The following PCDHB15 variants were observed in gnomAD, a reference collection of about 807,000 sequenced individuals.
PCDHB15 encodes protocadherin beta 15, also known as protocadherin beta-15.
For synonymous variants in PCDHB15, 492 were observed against 447.9 expected (o/e 1.10, Z -1.24); for missense variants, 1,032 against 991.7 (o/e 1.04, Z -0.55).
chr5:141,245,848 G>T lies in PCDHB15; in HGVS notation c.270G>T (p.Leu90=). The change falls in exon 1 of 1, where the codon CTG becomes CTT. Residue 90 remains leucine, a synonymous_variant. Transcript: ENST00000231173. ...GGCAGTTGATATTAAATGAGAAGCT[G>T]GACCGGGAGAAGCTGTGTGGCCCTA... The part of the protein sequence containing the change: ...QTGQLILNEK[L]DREKLCGPTE... 1.9e-6 allele frequency: 3 copies of T among 1,614,158 alleles called. No individual in the cohort carries two copies. The highest frequency in any genetic ancestry group is 2.5e-6 in the Non-Finnish European group (3 of 1,180,038).
chr5:141,247,492 C>G lies in PCDHB15; in HGVS notation c.1914C>G (p.His638Gln), dbSNP rs782651708. The G allele has an allele frequency of 3.1e-6, 5 of 1,609,026 alleles. No homozygotes were observed. Among genetic ancestry groups the G allele is most frequent in the East Asian group, 2.2e-5 (1 of 44,876 alleles). The change falls in exon 1 of 1, where the codon CAC (histidine) becomes CAG (glutamine). Residue 638 changes from histidine to glutamine, a missense_variant. Physicochemically the swap from His to Gln is conservative, Grantham distance 24. Coordinates refer to ENST00000231173, the MANE Select transcript of PCDHB15 (RefSeq NM_018935.4). Reference sequence around the variant, plus strand: ...TGAGCGAGCGCGACGTGGCCAAGCACAGGCTAGTGGTGCTGGTCAAGGACA... The same window carrying G: ...TGAGCGAGCGCGACGTGGCCAAGCAGAGGCTAGTGGTGCTGGTCAAGGACA... ...RLLSERDVAK[H>Q]RLVVLVKDNG...
rs1414841912 is a variant in PCDHB15, at chr5:141,249,349, A to T, written c.*1407A>T. 1 of 152,238 alleles carries T rather than the reference A, an allele frequency of 6.6e-6. No homozygotes were observed. Among genetic ancestry groups the T allele is most frequent in the Non-Finnish European group, 1.5e-5 (1 of 68,048 alleles). 9.4% of individuals were successfully genotyped at this position (152,238 alleles called of 1,614,324 possible). ...ACTGAGTAAGTCACTTCCTTGCAATAAATTGATTACTACACATCTGCTGCC... is the reference window on the plus strand; with the variant it reads ...ACTGAGTAAGTCACTTCCTTGCAATTAATTGATTACTACACATCTGCTGCC... On this transcript the variant is annotated 3_prime_UTR_variant, in exon 1 of 1. Coordinates refer to ENST00000231173, the MANE Select transcript of PCDHB15 (RefSeq NM_018935.4).
At position 141,247,645 on chromosome 5, in the gene PCDHB15, C is replaced by T; in HGVS notation, c.2067C>T (p.Tyr689=). The change falls in exon 1 of 1, where the codon TAC becomes TAT. Residue 689 remains tyrosine, a synonymous_variant. Coordinates refer to ENST00000231173, the MANE Select transcript of PCDHB15 (RefSeq NM_018935.4). ...AQAQADSLTV[Y]LVVALASVSS... ...CCCAGGCCGACTCGCTTACCGTCTACCTGGTGGTGGCATTGGCCTCGGTGT... is the reference window on the plus strand; with the variant it reads ...CCCAGGCCGACTCGCTTACCGTCTATCTGGTGGTGGCATTGGCCTCGGTGT... 6.2e-7 allele frequency: 1 copy of T among 1,610,498 alleles called. No individual in the cohort carries two copies. The highest frequency in any genetic ancestry group is 8.5e-7 in the Non-Finnish European group (1 of 1,179,850).
rs782276526 is a variant in PCDHB15 at position 141,246,727 on chromosome 5, C to A, written c.1149C>A (p.Cys383Ter). The A allele has an allele frequency of 6.8e-6, 11 of 1,614,094 alleles. No homozygotes were observed. The Admixed American group carries it at 1.8e-4, about 27-fold the overall frequency. The change falls in exon 1 of 1, where the codon TGC becomes TGA. Residue 383 changes from cysteine to a stop codon, truncating the protein, a stop_gained. Coordinates refer to ENST00000231173, the MANE Select transcript of PCDHB15 (RefSeq NM_018935.4). LOFTEE classifies it low-confidence loss of function (END_TRUNC). ...RDSGENGKMI[C>*]SIQDDVPFKL... ...CTGGGGAAAATGGAAAAATGATTTG[C>A]TCAATTCAGGATGATGTTCCTTTTA...
Position 141,246,157 on chromosome 5 carries a change from G to C in PCDHB15, c.579G>C (p.Glu193Asp). The C allele has an allele frequency of 6.2e-7, 1 of 1,614,238 alleles. No individual in the cohort carries two copies. Among genetic ancestry groups the C allele is most frequent in the South Asian group, 1.1e-5 (1 of 91,090 alleles). Residue 193 changes from glutamate to aspartate, a missense_variant, in exon 1 of 1, where the codon GAG becomes GAC. Glu to Asp is a conservative substitution (Grantham distance 45). Transcript: ENST00000231173. ...RTRGDGRKYPELVLDTELDRE... is the reference protein window; with the variant it reads ...RTRGDGRKYPDLVLDTELDRE... ...GAGGGGATGGCAGGAAATACCCAGA[G>C]CTGGTGCTGGACACAGAACTGGATC...
rs201928276 is a variant in PCDHB15, at chr5:141,246,893, G to T, written c.1315G>T (p.Val439Leu). Residue 439 changes from valine to leucine, a missense_variant, in exon 1 of 1, where the codon GTG becomes TTG. Physicochemically the swap from Val to Leu is conservative, Grantham distance 32. Coordinates refer to ENST00000231173, the MANE Select transcript of PCDHB15 (RefSeq NM_018935.4). ...GCTGAAAACCGAGCAGAGCATAACC[G>T]TGCTGGTGTCGGACGTCAATGACAA... ...PRLKTEQSIT[V>L]LVSDVNDNAP... is the part of the protein sequence containing the mutation. 1.4e-5 allele frequency: 22 copies of T among 1,613,954 alleles called. No individual in the cohort carries two copies. The African/African-American group carries it at 2.0e-4, about 15-fold the overall frequency.
In PCDHB15 at chr5:141,247,700, T is replaced by C. The variant is rs782031817; in HGVS notation, c.2122T>C (p.Phe708Leu). ...SSLFLFSVFL[F>L]VAVRLCRRSR... Reference sequence around the variant, plus strand: ...GCTCTTCCTCTTCTCGGTGTTCCTGTTCGTGGCAGTGCGGCTGTGCAGGAG... The same window carrying C: ...GCTCTTCCTCTTCTCGGTGTTCCTGCTCGTGGCAGTGCGGCTGTGCAGGAG... Residue 708 changes from phenylalanine to leucine, a missense_variant, in exon 1 of 1, where the codon TTC becomes CTC. Physicochemically the swap from Phe to Leu is conservative, Grantham distance 22. Coordinates refer to ENST00000231173, the MANE Select transcript of PCDHB15 (RefSeq NM_018935.4). The C allele has an allele frequency of 6.2e-7, 1 of 1,612,320 alleles. No homozygotes were observed. The highest frequency in any genetic ancestry group is 1.1e-5 in the South Asian group (1 of 91,058).
chr5:141,246,920 G>C lies in PCDHB15; in HGVS notation c.1342G>C (p.Ala448Pro), dbSNP rs199965909. The C allele has an allele frequency of 2.5e-6, 4 of 1,613,448 alleles. No individual in the cohort carries two copies. The highest frequency in any genetic ancestry group is 1.3e-5 in the African/African-American group (1 of 74,948). ...GCTGGTGTCGGACGTCAATGACAAC[G>C]CCCCCGCCTTCACCCAAACCTCCTA... ...TVLVSDVNDN[A>P]PAFTQTSYTL... Residue 448 changes from alanine to proline, a missense_variant, in exon 1 of 1, where the codon GCC (alanine) becomes CCC (proline). Transcript: ENST00000231173.
In PCDHB15 at chr5:141,246,978, C is replaced by T; in HGVS notation, c.1400C>T (p.Ala467Val). Residue 467 changes from alanine (A) to valine (V), a missense_variant, in exon 1 of 1, where the codon GCC (alanine) becomes GTC (valine). Ala to Val is a moderately conservative substitution (Grantham distance 64). Transcript: ENST00000231173. ...TTCGTCCGCGAGAACAACAGCCCCG[C>T]CCTGCACATCGGCAGTGTCAGCGCC... is the stretch of plus-strand genomic sequence containing the variant. ...TLFVRENNSPALHIGSVSATD... is the reference protein window; with the variant it reads ...TLFVRENNSPVLHIGSVSATD... 1.2e-6 allele frequency: 2 copies of T among 1,613,364 alleles called. No individual in the cohort carries two copies. Among genetic ancestry groups the T allele is most frequent in the Non-Finnish European group, 8.5e-7 (1 of 1,180,040 alleles).
rs1472326841 is a variant in PCDHB15 at position 141,247,092 on chromosome 5, C to T, written c.1514C>T (p.Ser505Phe). ...DPHLPLTSLV[S>F]INTDNGHLFA... ...CACCTGCCCCTCACCTCCCTGGTCT[C>T]CATTAACACGGACAACGGCCACCTG... The change falls in exon 1 of 1, where the codon TCC (serine) becomes TTC (phenylalanine). Residue 505 changes from serine (S) to phenylalanine (F), a missense_variant. By Grantham distance (155) the Ser-to-Phe change is radical. Transcript: ENST00000231173. 7 of 1,613,952 alleles carry T rather than the reference C, an allele frequency of 4.3e-6. No individual in the cohort carries two copies. The African/African-American group carries it at 9.3e-5, about 22-fold the overall frequency.
Position 141,247,043 on chromosome 5 carries a change from T to G in PCDHB15, c.1465T>G (p.Ser489Ala). ...GGGCACCAACGCCCAGGTCACCTAC[T>G]CGCTGCTGCCGCCCCGGGACCCGCA... ...DSGTNAQVTYSLLPPRDPHLP... is the reference protein window; with the variant it reads ...DSGTNAQVTYALLPPRDPHLP... The change falls in exon 1 of 1, where the codon TCG becomes GCG. Residue 489 changes from serine (S) to alanine (A), a missense_variant. Ser to Ala is a moderately conservative substitution (Grantham distance 99, BLOSUM62 1). Transcript: ENST00000231173. 2 of 1,613,666 alleles carry G rather than the reference T, an allele frequency of 1.2e-6. No individual in the cohort carries two copies. The highest frequency in any genetic ancestry group is 1.7e-6 in the Non-Finnish European group (2 of 1,180,012).
Position 141,247,972 on chromosome 5 carries a change from G to T in PCDHB15, c.*30G>T, listed in dbSNP as rs550183436. 6.5e-7 allele frequency: 1 copy of T among 1,527,012 alleles called. No individual in the cohort carries two copies. Among genetic ancestry groups the T allele is most frequent in the East Asian group, 2.3e-5 (1 of 43,958 alleles). 94.6% of individuals were successfully genotyped at this position (1,527,012 alleles called of 1,614,324 possible). On this transcript the variant is annotated 3_prime_UTR_variant, in exon 1 of 1. Coordinates refer to ENST00000231173, the MANE Select transcript of PCDHB15 (RefSeq NM_018935.4). ...GGTATCTGTAGCTTTCCGACCGTCT[G>T]TTAATTTTGTCTTCCTCACTTTTCA...
In PCDHB15 at chr5:141,247,702, C is replaced by G. The variant is rs187029907; in HGVS notation, c.2124C>G (p.Phe708Leu). Residue 708 changes from phenylalanine to leucine, a missense_variant, in exon 1 of 1, where the codon TTC becomes TTG. Coordinates refer to ENST00000231173, the MANE Select transcript of PCDHB15 (RefSeq NM_018935.4). Reference sequence around the variant, plus strand: ...TCTTCCTCTTCTCGGTGTTCCTGTTCGTGGCAGTGCGGCTGTGCAGGAGGA... The same window carrying G: ...TCTTCCTCTTCTCGGTGTTCCTGTTGGTGGCAGTGCGGCTGTGCAGGAGGA... Reference protein sequence around the residue: ...SSLFLFSVFLFVAVRLCRRSR... With the variant: ...SSLFLFSVFLLVAVRLCRRSR... 5 of 1,612,418 alleles carry G rather than the reference C, an allele frequency of 3.1e-6. No individual in the cohort carries two copies. The African/African-American group carries it at 6.7e-5, about 21-fold the overall frequency.
In PCDHB15 at chr5:141,249,344, G is replaced by T. The variant is rs1343116602; in HGVS notation, c.*1402G>T. The T allele has an allele frequency of 1.3e-5, 2 of 152,210 alleles. No individual in the cohort carries two copies. Among genetic ancestry groups the T allele is most frequent in the African/African-American group, 4.8e-5 (2 of 41,448 alleles). The allele number at this position is 152,210 out of a possible 1,614,324, so 9.4% of individuals were successfully genotyped here. ...TCAAAACTGAGTAAGTCACTTCCTT[G>T]CAATAAATTGATTACTACACATCTG... On this transcript the variant is annotated 3_prime_UTR_variant, in exon 1 of 1. Transcript: ENST00000231173.
At position 141,246,282 on chromosome 5, in the gene PCDHB15, C is replaced by G. The variant is rs782336492; in HGVS notation, c.704C>G (p.Ala235Gly). ...TVQILILVLDANDNAPEFVQA... is the reference protein window; with the variant it reads ...TVQILILVLDGNDNAPEFVQA... ...CAGATCCTCATCTTGGTCTTGGACG[C>G]CAATGACAATGCCCCGGAGTTTGTG... Residue 235 changes from alanine to glycine, a missense_variant, in exon 1 of 1, where the codon GCC becomes GGC. Coordinates refer to ENST00000231173, the MANE Select transcript of PCDHB15 (RefSeq NM_018935.4). 14 of 1,613,976 alleles carry G rather than the reference C, an allele frequency of 8.7e-6. No homozygotes were observed. In the East Asian group the frequency reaches 2.2e-4, roughly 26 times the overall value.
Position 141,246,513 on chromosome 5 carries a change from T to A in PCDHB15, c.935T>A (p.Met312Lys), listed in dbSNP as rs782191076. The change falls in exon 1 of 1, where the codon ATG becomes AAG. Residue 312 changes from methionine to lysine, a missense_variant. Transcript: ENST00000231173. The part of the protein sequence containing the change: ...RLIKKLDFET[M>K]SSYDLDIEAS... Reference sequence around the variant, plus strand: ...ATTAAAAAACTAGATTTTGAGACAATGTCTTCGTATGATCTAGATATAGAG... The same window carrying A: ...ATTAAAAAACTAGATTTTGAGACAAAGTCTTCGTATGATCTAGATATAGAG... The A allele has an allele frequency of 6.2e-7, 1 of 1,614,122 alleles. No homozygotes were observed. Among genetic ancestry groups the A allele is most frequent in the Non-Finnish European group, 8.5e-7 (1 of 1,180,010 alleles).
chr5:141,247,706 G>A lies in PCDHB15; in HGVS notation c.2128G>A (p.Ala710Thr). Residue 710 changes from alanine to threonine, a missense_variant, in exon 1 of 1, where the codon GCA becomes ACA. Coordinates refer to ENST00000231173, the MANE Select transcript of PCDHB15 (RefSeq NM_018935.4). ...LFLFSVFLFV[A>T]VRLCRRSRAA... ...CCTCTTCTCGGTGTTCCTGTTCGTGGCAGTGCGGCTGTGCAGGAGGAGCAG... is the reference window on the plus strand; with the variant it reads ...CCTCTTCTCGGTGTTCCTGTTCGTGACAGTGCGGCTGTGCAGGAGGAGCAG... 2.5e-6 allele frequency: 4 copies of A among 1,612,524 alleles called. No individual in the cohort carries two copies. Among genetic ancestry groups the A allele is most frequent in the Non-Finnish European group, 2.5e-6 (3 of 1,179,962 alleles).
rs1755248238 is a variant in PCDHB15, at chr5:141,245,987, G to A, written c.409G>A (p.Glu137Lys). ...TCATTCTCCTGAGTTTCCTGAAAGA[G>A]AAATGACCCTGAAAATCCCAGAAAC... ...NDHSPEFPER[E>K]MTLKIPETSS... Residue 137 changes from glutamate to lysine, a missense_variant, in exon 1 of 1, where the codon GAA becomes AAA. Glu to Lys is a moderately conservative substitution (Grantham distance 56, BLOSUM62 1). Transcript: ENST00000231173. 1 of 1,614,040 alleles carries A rather than the reference G, an allele frequency of 6.2e-7. No individual in the cohort carries two copies. Among genetic ancestry groups the A allele is most frequent in the Non-Finnish European group, 8.5e-7 (1 of 1,180,052 alleles).
chr5:141,246,233 T>C lies in PCDHB15; in HGVS notation c.655T>C (p.Ser219Pro), dbSNP rs782479554. 1.9e-6 allele frequency: 3 copies of C among 1,614,074 alleles called. No homozygotes were observed. Among genetic ancestry groups the C allele is most frequent in the Non-Finnish European group, 2.5e-6 (3 of 1,180,004 alleles). Residue 219 changes from serine to proline, a missense_variant, in exon 1 of 1, where the codon TCT becomes CCT. Transcript: ENST00000231173. Reference sequence around the variant, plus strand: ...AACCTTGACAGCGGTGGACGGTGGCTCTCCACCCCGATCTGGCACCGTCCA... The same window carrying C: ...AACCTTGACAGCGGTGGACGGTGGCCCTCCACCCCGATCTGGCACCGTCCA... Reference protein sequence around the residue: ...RLTLTAVDGGSPPRSGTVQIL... With the variant: ...RLTLTAVDGGPPPRSGTVQIL...
Sources: allele counts gnomAD v4.1 joint callset, GRCh38; gene constraint gnomAD v4.1.1; transcripts MANE v1.5; gene names NCBI Gene and HGNC (gene_info 2026-07-23, HGNC 2026-07-21).